The following CTNNA3 variants were observed in gnomAD, a reference collection of about 807,000 sequenced individuals.
The protein encoded by CTNNA3 is catenin alpha-3.
A neutral mutation model predicts 95.7 loss-of-function variants in CTNNA3; 76 were observed. The ratio of observed to expected loss-of-function variants is 0.79; its 90% CI spans 0.66 to 0.96. The LOEUF (loss-of-function observed/expected upper bound fraction) is 0.96. CTNNA3 is among the 40% of genes least tolerant of loss of function. The pLI, the probability that CTNNA3 is intolerant of heterozygous loss-of-function variation, is 0.00. For synonymous variants in CTNNA3, 431 were observed against 374.4 expected, an observed-to-expected ratio of 1.15 and a Z score of -1.74; for missense variants, 1,191 against 1,089.8, an observed-to-expected ratio of 1.09 and a Z score of -1.31.
At chr10:67,436,717 A>C (rs1846314986) in intron 5 of CTNNA3, among the ~76,000 whole-genome samples, 1 of 152,204 alleles carries the variant, frequency 6.6e-6, no homozygotes, top group Non-Finnish European at 1.5e-5. Context: ...CAAACATATG[A>C]AAAAATGCTC....
At chr10:67,188,927 G>A (rs897136749) in intron 6 of CTNNA3, among the ~76,000 whole-genome samples, 2 of 152,014 alleles carry the variant, frequency 1.3e-5, no homozygotes, top group Non-Finnish European at 2.9e-5. Context: ...GACCAGCCTG[G>A]GCAACATGGC....
At chr10:66,050,640 T>C (rs2079932331) in intron 15 of CTNNA3, among the ~76,000 whole-genome samples, 1 of 152,142 alleles carries the variant, frequency 6.6e-6, no homozygotes. Flanking sequence ...AATCCTTTCA[T>C]GATGTGTTCC....
intron 11 of CTNNA3, among the ~76,000 whole-genome samples, chr10:66,500,755 T>C (rs1840252678): frequency 6.6e-6 from 1 of 152,160 alleles, no homozygotes; most frequent in Non-Finnish European, 1.5e-5. Context: ...ATTTTCCACA[T>C]ACAGTATTAC....
chr10:67,191,495 T>C (rs1189395207), intron 6 of CTNNA3, among the ~76,000 whole-genome samples: 1 of 151,870 alleles, frequency 6.6e-6, no homozygotes, highest in Non-Finnish European at 1.5e-5. Context: ...CAATGCAATG[T>C]ATATTAGCAT....
intron 4 of CTNNA3, among the ~76,000 whole-genome samples, chr10:67,529,504 AG>A (rs1286745327): frequency 6.6e-5 from 5 of 75,296 alleles, no homozygotes; most frequent in Admixed American, 1.8e-4. Flanking sequence ...GGGTCGGGGG[AG>A]GGGGGAGGGA....
At chr10:67,354,551 C>T (rs932468884) in intron 5 of CTNNA3, among the ~76,000 whole-genome samples, 6 of 151,726 alleles carry the variant, frequency 4.0e-5, no homozygotes, top group Non-Finnish European at 7.4e-5. Flanking sequence ...AAAGGTTTTC[C>T]GGTGGTAGGA....
chr10:67,022,450 A>T (rs1017268402), intron 7 of CTNNA3, among the ~76,000 whole-genome samples: 2 of 152,168 alleles, frequency 1.3e-5, no homozygotes, highest in East Asian at 3.9e-4. Context: ...CTACTCCAAG[A>T]TGACCCTAGA....
intron 5 of CTNNA3, among the ~76,000 whole-genome samples, chr10:67,232,057 G>A (rs1246546311): frequency 1.3e-5 from 2 of 152,064 alleles, no homozygotes; most frequent in Admixed American, 1.3e-4. Flanking sequence ...AAAGTGACGG[G>A]GAGAATGGAA....
intron 15 of CTNNA3, among the ~76,000 whole-genome samples, chr10:66,029,326 T>G (rs377319660): frequency 3.9e-4 from 60 of 152,264 alleles, no homozygotes; most frequent in African/African-American, 1.4e-3. Flanking sequence ...TCACTGGATC[T>G]GTCCCCACCC....
At chr10:66,828,718 CCAA>C (rs1842603645) in intron 7 of CTNNA3, among the ~76,000 whole-genome samples, 1 of 152,100 alleles carries the variant, frequency 6.6e-6, no homozygotes, top group African/African-American at 2.4e-5. Context: ...TTATTAAAAC[CCAA>C]CTATTTTTTA....
intron 7 of CTNNA3, among the ~76,000 whole-genome samples, chr10:67,060,338 C>A (rs1000179445): frequency 6.6e-6 from 1 of 152,032 alleles, no homozygotes; most frequent in Non-Finnish European, 1.5e-5. Flanking sequence ...TAAAAAAATT[C>A]TGTAAATGTA....
intron 6 of CTNNA3, among the ~76,000 whole-genome samples, chr10:67,204,546 G>A (rs1022850739): frequency 1.3e-5 from 2 of 152,138 alleles, no homozygotes; most frequent in African/African-American, 4.8e-5. Flanking sequence ...CCAGTCGCAG[G>A]TATTCATAGC....
At chr10:67,064,538 A>G (rs753909232) in intron 7 of CTNNA3, among the ~76,000 whole-genome samples, 3 of 152,194 alleles carry the variant, frequency 2.0e-5, no homozygotes, top group East Asian at 1.9e-4. Context: ...AGCTTTCTCT[A>G]TAACATTTAT....
chr10:66,957,865 G>A (rs931626932), intron 7 of CTNNA3, among the ~76,000 whole-genome samples: 1 of 151,960 alleles, frequency 6.6e-6, no homozygotes, highest in Non-Finnish European at 1.5e-5. Context: ...AGAGAAATTA[G>A]AGTTCTCCTT....
chr10:66,232,641 G>A (rs2089643234), intron 13 of CTNNA3, among the ~76,000 whole-genome samples: 1 of 152,120 alleles, frequency 6.6e-6, no homozygotes, highest in Non-Finnish European at 1.5e-5. Context: ...AAAGGAGGAA[G>A]ATATATACTG....
chr10:67,352,940 G>A (rs1200876708), intron 5 of CTNNA3, among the ~76,000 whole-genome samples: 3 of 151,786 alleles, frequency 2.0e-5, no homozygotes, highest in African/African-American at 7.3e-5. Context: ...TGTACACAAT[G>A]GCCAACTAGC....
At chr10:67,546,648 A>G (rs1840851348) in intron 3 of CTNNA3, among the ~76,000 whole-genome samples, 2 of 152,196 alleles carry the variant, frequency 1.3e-5, no homozygotes, top group South Asian at 4.1e-4. Context: ...GAGCTGAAAT[A>G]GCTGCCCATA....
At chr10:67,152,388 A>C (rs2394325) in intron 7 of CTNNA3, among the ~76,000 whole-genome samples, 1 of 152,232 alleles carries the variant, frequency 6.6e-6, no homozygotes, top group Non-Finnish European at 1.5e-5. Flanking sequence ...TGCCCGTTAC[A>C]CTGGGAGAAA....
At position 67,726,424 on chromosome 10, in the gene CTNNA3, T is replaced by TC. The variant is rs1293437287; in HGVS notation, c.-2+37009_-2+37010insG. 3.4e-4 allele frequency among the ~76,000 whole-genome samples: 13 copies of TC among 38,490 alleles called. No homozygotes were observed. The East Asian group carries it at 0.012, about 34-fold the overall frequency. The allele number at this position is 38,490 out of a possible 152,430, so 25.3% of individuals were successfully genotyped here. A position where few individuals can be genotyped will look rare whatever the true frequency, so the allele number is the denominator to read the frequency against. ...ATATTATATCATATATAATATTATA[T>TC]ATTATATCATATATAATATATAATA... On this transcript the variant is annotated intron_variant, in intron 1 of 17. Transcript: ENST00000684154.
Sources: allele counts gnomAD v4.1 joint callset (sites outside exome capture counted in the v4.1 genomes callset), GRCh38; gene constraint gnomAD v4.1.1; transcripts MANE v1.5; gene names NCBI Gene and HGNC (gene_info 2026-07-23, HGNC 2026-07-21).